TUSC3: variants seen among roughly 807,000 people sequenced by gnomAD.
The protein encoded by TUSC3 is tumor suppressor candidate 3.
Under a neutral mutation model 44.8 loss-of-function variants are expected in TUSC3, and 45 were observed. That is an observed-to-expected ratio of 1.00 (90% confidence interval 0.79 to 1.29). The LOEUF (loss-of-function observed/expected upper bound fraction) is 1.29, where lower values mean the gene tolerates loss of function less well. Among genes scored for constraint, TUSC3 ranks in the 50% most tolerant of loss-of-function variants. TUSC3 has a pLI of 0.00. For missense variants in TUSC3, 519 were observed against 437.9 expected (o/e 1.19, Z -1.65); for synonymous variants, 212 against 152.9 (o/e 1.39, Z -2.85).
At chr8:15,779,788 G>A in the TUSC3 span, among the ~76,000 whole-genome samples, 1 of 152,144 alleles carries the variant, frequency 6.6e-6, no homozygotes, top group Non-Finnish European at 1.5e-5. Flanking sequence ...ATTCCTAGAG[G>A]AAACTCAACA....
chr8:15,751,675 TACAATG>T (rs1811710043), intron 9 of TUSC3, among the ~76,000 whole-genome samples: 1 of 126,530 alleles, frequency 7.9e-6, no homozygotes. Context: ...AGAAGCCAAA[TACAATG>T]ACAAGTACCT....
chr8:15,822,979 G>A, the TUSC3 span, among the ~76,000 whole-genome samples: 6 of 151,976 alleles, frequency 3.9e-5, no homozygotes, highest in South Asian at 8.3e-4. Context: ...CAATAATACC[G>A]ACCACTAAAA....
At chr8:15,441,823 C>A (rs992838035) in intron 1 of TUSC3, among the ~76,000 whole-genome samples, 2 of 152,066 alleles carry the variant, frequency 1.3e-5, no homozygotes, top group African/African-American at 2.4e-5. Flanking sequence ...TGATATAGAG[C>A]TTTTTGATTA....
the TUSC3 span, among the ~76,000 whole-genome samples, chr8:15,783,896 C>T: frequency 3.9e-5 from 6 of 152,198 alleles, no homozygotes; most frequent in South Asian, 1.2e-3. Flanking sequence ...GCAAAAGAAG[C>T]AGTGGAATGA....
At chr8:15,480,433 T>C (rs575071483) in intron 1 of TUSC3, among the ~76,000 whole-genome samples, 6 of 152,328 alleles carry the variant, frequency 3.9e-5, no homozygotes, top group South Asian at 4.1e-4. Flanking sequence ...ATAGATTTAG[T>C]GGTTTAAACA....
intron 2 of TUSC3, among the ~76,000 whole-genome samples, chr8:15,486,711 G>C (rs945717555): frequency 1.3e-5 from 2 of 152,086 alleles, no homozygotes; most frequent in African/African-American, 4.8e-5. Flanking sequence ...CCAAAGTGCT[G>C]GGATTACAGG....
At chr8:15,468,316 C>T (rs947368444) in intron 1 of TUSC3, among the ~76,000 whole-genome samples, 2 of 152,164 alleles carry the variant, frequency 1.3e-5, no homozygotes, top group East Asian at 1.9e-4. Flanking sequence ...GGGTGTTGAA[C>T]GGCTAGTCAA....
chr8:15,518,068 T>A (rs1394294645), intron 2 of TUSC3, among the ~76,000 whole-genome samples: 1 of 152,116 alleles, frequency 6.6e-6, no homozygotes, highest in African/African-American at 2.4e-5. Context: ...ACTATTCCAC[T>A]TTCAGTCTCT....
chr8:15,827,812 A>G, the TUSC3 span, among the ~76,000 whole-genome samples: 1 of 152,082 alleles, frequency 6.6e-6, no homozygotes, highest in Non-Finnish European at 1.5e-5. Context: ...CAAGTTGATG[A>G]TATTTAGATG....
the TUSC3 span, among the ~76,000 whole-genome samples, chr8:15,780,367 C>T: frequency 6.6e-6 from 1 of 152,112 alleles, no homozygotes; most frequent in Non-Finnish European, 1.5e-5. Context: ...AGTGTCCTAA[C>T]TCAAAGGTTC....
chr8:15,646,866 T>C (rs1376325402), intron 2 of TUSC3, among the ~76,000 whole-genome samples: 1 of 152,200 alleles, frequency 6.6e-6, no homozygotes, highest in Non-Finnish European at 1.5e-5. Flanking sequence ...ATTCTTGTTA[T>C]GATAGGTATA....
intron 1 of TUSC3, among the ~76,000 whole-genome samples, chr8:15,562,680 A>G (rs558541086): frequency 6.6e-6 from 1 of 152,106 alleles, no homozygotes; most frequent in Non-Finnish European, 1.5e-5. Context: ...TGGTAGTTGT[A>G]GGAAGGAGTT....
chr8:15,429,413 A>G (rs1799844795), intron 1 of TUSC3, among the ~76,000 whole-genome samples: 2 of 149,892 alleles, frequency 1.3e-5, no homozygotes, highest in Non-Finnish European at 3.0e-5. Flanking sequence ...TGATGCCTCC[A>G]GCTTTGTTCT....
rs545390880 is a variant in TUSC3, at chr8:15,583,735, T to C, written c.139-39345T>C. On this transcript the variant is annotated intron_variant, in intron 1 of 10. Transcript: ENST00000503731. Reference sequence around the variant, plus strand: ...TGTACATGCCATATTTTGTGGGAGGTTTAATTAAATTTAATTAAAATGGAT... The same window carrying C: ...TGTACATGCCATATTTTGTGGGAGGCTTAATTAAATTTAATTAAAATGGAT... 3.3e-5 allele frequency among the ~76,000 whole-genome samples: 5 copies of C among 151,956 alleles called. No individual in the cohort carries two copies. The South Asian group carries it at 1.0e-3, about 32-fold the overall frequency.
intron 10 of TUSC3, among the ~76,000 whole-genome samples, chr8:15,762,935 G>C (rs569876165): frequency 1.3e-5 from 2 of 152,036 alleles, no homozygotes; most frequent in East Asian, 1.9e-4. Context: ...CTTATCGTAC[G>C]CTTTATTCGT....
chr8:15,630,543 G>T (rs1475132121), intron 2 of TUSC3, among the ~76,000 whole-genome samples: 2 of 152,086 alleles, frequency 1.3e-5, no homozygotes, highest in Middle Eastern at 3.2e-3. Context: ...AAGCTGAGAG[G>T]TTATAATTTT....
the TUSC3 span, among the ~76,000 whole-genome samples, chr8:15,783,125 A>T: frequency 2.0e-5 from 3 of 152,200 alleles, no homozygotes; most frequent in African/African-American, 7.2e-5. Context: ...AAAAAGTATA[A>T]TACTTAGGAG....
chr8:15,637,056 A>T lies in TUSC3; in HGVS notation c.309-13641A>T, dbSNP rs979664704. The stretch of plus-strand genomic sequence containing the variant: ...ACTATGTCTTACAGTTGACTATTCT[A>T]GGTTGCCTTTTTCAGGCACACAAAG... On this transcript the variant is annotated intron_variant, in intron 2 of 10. Coordinates refer to ENST00000503731, the MANE Select transcript of TUSC3 (RefSeq NM_006765.4). 5.3e-5 allele frequency among the ~76,000 whole-genome samples: 8 copies of T among 152,212 alleles called. No homozygotes were observed. The South Asian group carries it at 6.2e-4, about 12-fold the overall frequency.
chr8:15,463,639 T>A (rs1480931452), intron 1 of TUSC3, among the ~76,000 whole-genome samples: 1 of 152,174 alleles, frequency 6.6e-6, no homozygotes, highest in Non-Finnish European at 1.5e-5. Flanking sequence ...TGAAGCCTTT[T>A]GATTATTACC....
Sources: gnomAD v4.1 joint callset for allele counts (sites outside exome capture counted in the v4.1 genomes callset) on GRCh38, gnomAD v4.1.1 for gene constraint, MANE v1.5 for transcripts, NCBI Gene and HGNC (gene_info 2026-07-23, HGNC 2026-07-21) for gene names.